The following MDN1 variants were observed in gnomAD, a reference collection of about 807,000 sequenced individuals.
The protein encoded by MDN1 is midasin AAA ATPase 1, also known as midasin.
A neutral mutation model predicts 669.2 loss-of-function variants in MDN1; 266 were observed. That is an observed-to-expected ratio of 0.40 (90% CI 0.36 to 0.44). The LOEUF (loss-of-function observed/expected upper bound fraction) is 0.44. Ranked by LOEUF, MDN1 falls within the 20% of genes least tolerant of loss-of-function variation. The probability of loss-of-function intolerance (pLI) is 1.00; values close to 1 mark genes in which losing one functional copy is unlikely to be tolerated. For missense variants in MDN1, 5,940 were observed against 6,754.0 expected, an observed-to-expected ratio of 0.88 and a Z score of 4.22; for synonymous variants, 2,385 against 2,457.1, an observed-to-expected ratio of 0.97 and a Z score of 0.87.
At position 89,650,533 on chromosome 6, in the gene MDN1, A is replaced by T. The variant is rs1457438475; in HGVS notation, c.16031+199T>A. On this transcript the variant is annotated intron_variant, in intron 96 of 101. Coordinates refer to ENST00000369393, the MANE Select transcript of MDN1 (RefSeq NM_014611.3). ...GAATAGCTCAACATGTAACAAGGTGATCAATACAGACACCCAGAAACTTTT... is the reference window on the plus strand; with the variant it reads ...GAATAGCTCAACATGTAACAAGGTGTTCAATACAGACACCCAGAAACTTTT... 2.6e-5 allele frequency among the ~76,000 whole-genome samples: 4 copies of T among 152,252 alleles called. No individual in the cohort carries two copies. The East Asian group carries it at 7.7e-4, about 29-fold the overall frequency.
chr6:89,779,532 T>C (rs991221154), intron 11 of MDN1, among the ~76,000 whole-genome samples: 40 of 152,262 alleles, frequency 2.6e-4, no homozygotes, highest in East Asian at 1.5e-3. Flanking sequence ...CTGAGAAAAG[T>C]AGAGGGATCG....
At chr6:89,658,063 G>T in intron 90 of MDN1, 146 bp downstream of exon 90, 1 of 901,800 alleles carries the variant, frequency 1.1e-6, no homozygotes, top group South Asian at 1.7e-5. Context: ...TAAAGAATGA[G>T]ATGTGGTCTG....
chr6:89,729,677 G>GC (rs1554187849), intron 35 of MDN1, among the ~76,000 whole-genome samples: 5 of 100,758 alleles, frequency 5.0e-5, no homozygotes. Flanking sequence ...TTTTGTTTTC[G>GC]TTTTTTTTTT....
chr6:89,752,273 T>C (rs558876825), intron 22 of MDN1, among the ~76,000 whole-genome samples: 1 of 152,284 alleles, frequency 6.6e-6, no homozygotes, highest in Non-Finnish European at 1.5e-5. Flanking sequence ...AGGAAGGATC[T>C]TTTTAAGTTT....
chr6:89,816,176 G>GA, intron 1 of MDN1, among the ~76,000 whole-genome samples: 1 of 152,270 alleles, frequency 6.6e-6, no homozygotes, highest in South Asian at 2.1e-4. Flanking sequence ...GACGCGGGTG[G>GA]ATCACCTGAG....
chr6:89,710,396 T>C (rs1245371769), intron 50 of MDN1, among the ~76,000 whole-genome samples: 1 of 151,836 alleles, frequency 6.6e-6, no homozygotes, highest in East Asian at 1.9e-4. Flanking sequence ...AGGCCAAGCA[T>C]GGTGGCTCAA....
intron 73 of MDN1, 105 bp downstream of exon 73, chr6:89,683,027 T>A (rs1486878144): frequency 8.6e-7 from 1 of 1,169,296 alleles, no homozygotes; most frequent in Non-Finnish European, 1.2e-6. Context: ...GAACAAGATT[T>A]CAAAGGCATT....
In MDN1 at chr6:89,712,117, T is replaced by C. The variant is rs543178166; in HGVS notation, c.7570A>G (p.Ile2524Val). The C allele has an allele frequency of 3.1e-6, 5 of 1,614,054 alleles. No individual in the cohort carries two copies. Among genetic ancestry groups the C allele is most frequent in the East Asian group, 2.2e-5 (1 of 44,882 alleles). ...DVLVMAVKLLIERATNQDWML... is the reference protein window; with the variant it reads ...DVLVMAVKLLVERATNQDWML... ...CAATCCTGATTGGTTGCTCTTTCTA[T>C]GAGCAATTTAACAGCCATGACCAAA... Residue 2524 changes from isoleucine (I) to valine (V), a missense_variant, in exon 49 of 102, where the codon ATA becomes GTA. Physicochemically the swap from Ile to Val is conservative, Grantham distance 29. This residue lies in a region of MDN1 where 2,292 missense variants were observed against 2,638.3 expected (regional missense o/e 0.87). Coordinates refer to ENST00000369393, the MANE Select transcript of MDN1 (RefSeq NM_014611.3).
chr6:89,751,398 A>G, intron 23 of MDN1, 33 bp downstream of exon 23: 1 of 1,613,438 alleles, frequency 6.2e-7, no homozygotes, highest in Non-Finnish European at 8.5e-7. Flanking sequence ...TGCCTGTATC[A>G]AGTTCGGGGC....
Position 89,759,823 on chromosome 6 carries a change from G to A in MDN1, c.2461-863C>T, listed in dbSNP as rs1817444006. On this transcript the variant is annotated intron_variant, in intron 17 of 101. Coordinates refer to ENST00000369393, the MANE Select transcript of MDN1 (RefSeq NM_014611.3). The stretch of plus-strand genomic sequence containing the variant: ...GCAATGGCTCATGCCTGTAATCGCA[G>A]CACTCTGGAAGGCCAAGGTGGGTGG... Among the ~76,000 whole-genome samples, 3 of 151,686 alleles carry A rather than the reference G, an allele frequency of 2.0e-5. No homozygotes were observed. The South Asian group carries it at 6.2e-4, about 31-fold the overall frequency.
chr6:89,817,528 G>A (rs535209431), intron 1 of MDN1, among the ~76,000 whole-genome samples: 24 of 152,286 alleles, frequency 1.6e-4, no homozygotes, highest in Admixed American at 1.4e-3. Flanking sequence ...TCTTCCTGGG[G>A]AAGACCATTT....
At position 89,743,663 on chromosome 6, in the gene MDN1, T is replaced by C; in HGVS notation, c.4230A>G (p.Lys1410=). The C allele has an allele frequency of 6.2e-7, 1 of 1,614,138 alleles. No homozygotes were observed. Among genetic ancestry groups the C allele is most frequent in the Non-Finnish European group, 8.5e-7 (1 of 1,179,992 alleles). ...CQVFAALANQ[K]LYSVSCHLHM... Reference sequence around the variant, plus strand: ...GTAAGTGGCAGCTGACAGAGTATAATTTCTGATTTGCCAAGGCTGCAAATA... The same window carrying C: ...GTAAGTGGCAGCTGACAGAGTATAACTTCTGATTTGCCAAGGCTGCAAATA... The change falls in exon 30 of 102, where the codon AAA becomes AAG. Residue 1410 remains lysine, a synonymous_variant. Transcript: ENST00000369393.
At chr6:89,742,403 G>C (rs1335531445) in intron 31 of MDN1, among the ~76,000 whole-genome samples, 1 of 148,982 alleles carries the variant, frequency 6.7e-6, no homozygotes, top group Non-Finnish European at 1.5e-5. Context: ...GCAAGACTGT[G>C]TCTAAAAAAA....
At chr6:89,753,416 T>C (rs566108955) in intron 22 of MDN1, 96 bp downstream of exon 22, 11 of 920,866 alleles carry the variant, frequency 1.2e-5, no homozygotes, top group Non-Finnish European at 1.8e-5. Context: ...ACCTTTATAA[T>C]TAAAAAGTTA....
Position 89,671,065 on chromosome 6 carries a change from A to G in MDN1, c.13810T>C (p.Cys4604Arg), listed in dbSNP as rs775560470. 6.2e-7 allele frequency: 1 copy of G among 1,614,024 alleles called. No homozygotes were observed. The highest frequency in any genetic ancestry group is 8.5e-7 in the Non-Finnish European group (1 of 1,179,962). Reference sequence around the variant, plus strand: ...GGCACCAGGCGCACCAGCAAGGAACAGGATTGGCTGAAGAACTGAGACCAA... The same window carrying G: ...GGCACCAGGCGCACCAGCAAGGAACGGGATTGGCTGAAGAACTGAGACCAA... ...AAKHLFFSQS[C>R]SLLVRLVPVL... The change falls in exon 83 of 102, where the codon TGT (cysteine) becomes CGT (arginine). Residue 4604 changes from cysteine (C) to arginine (R), a missense_variant. Cys to Arg is a radical substitution (Grantham distance 180). Transcript: ENST00000369393.
At chr6:89,689,306 T>C (rs998870368) in intron 65 of MDN1, among the ~76,000 whole-genome samples, 2 of 152,258 alleles carry the variant, frequency 1.3e-5, no homozygotes, top group African/African-American at 4.8e-5. Context: ...AGAAACTGCC[T>C]AGGTATAAAC....
In MDN1 at chr6:89,819,627, G is replaced by T; in HGVS notation, c.-20C>A. The T allele has an allele frequency of 6.3e-7, 1 of 1,594,322 alleles. No homozygotes were observed. Among genetic ancestry groups the T allele is most frequent in the Non-Finnish European group, 8.5e-7 (1 of 1,174,984 alleles). ...CTCCATGACCCAGGGCCCTCACCCC[G>T]AGCGGCCACCTGCGCTCCCTACTTC... On this transcript the variant is annotated 5_prime_UTR_variant, in exon 1 of 102. Transcript: ENST00000369393.
chr6:89,784,256 C>A (rs1818833891), intron 9 of MDN1, among the ~76,000 whole-genome samples: 1 of 151,966 alleles, frequency 6.6e-6, no homozygotes, highest in African/African-American at 2.4e-5. Context: ...GCAGAGATTG[C>A]AGTGAGCCAA....
Position 89,650,613 on chromosome 6 carries a change from C to T in MDN1, c.16031+119G>A, listed in dbSNP as rs191146007. The T allele has an allele frequency of 4.8e-4, 351 of 726,080 alleles. 1 individual carries two copies. Among genetic ancestry groups the T allele is most frequent in the African/African-American group, 2.5e-3 (143 of 56,898 alleles). 45.0% of individuals were successfully genotyped at this position (726,080 alleles called of 1,614,324 possible). A position where few individuals can be genotyped will look rare whatever the true frequency, so the allele number is the denominator to read the frequency against. On this transcript the variant is annotated intron_variant, in intron 96 of 101. Transcript: ENST00000369393. ...AAGGAACAGCATACTGGTGCCTGTA[C>T]GGCACAAGCGGCAGCCTAGAAGCTG...
Sources: gnomAD v4.1 joint callset for allele counts (sites outside exome capture counted in the v4.1 genomes callset) on GRCh38, gnomAD v4.1.1 for gene constraint, gnomAD v4.1.1 regional missense constraint, MANE v1.5 for transcripts, NCBI Gene and HGNC (gene_info 2026-07-23, HGNC 2026-07-21) for gene names.